The following REL variants were observed in gnomAD, a reference collection of about 807,000 sequenced individuals.
REL encodes REL proto-oncogene, NF-kB subunit, also known as proto-oncogene c-Rel.
REL carries 15 observed loss-of-function variants against 45.9 expected under a neutral mutation model. That is an observed-to-expected ratio of 0.33 (90% confidence interval 0.22 to 0.50). REL has a LOEUF of 0.50. Among genes scored for constraint, REL ranks in the 20% least tolerant of loss-of-function variants. REL has a pLI of 0.98. For synonymous variants in REL, 239 were observed against 242.1 expected (o/e 0.99, Z 0.12); for missense variants, 601 against 715.2 (o/e 0.84, Z 1.82).
Position 60,926,559 on chromosome 2 carries a change from C to G in REL, c.*4024C>G, listed in dbSNP as rs1282898021. The G allele has an allele frequency of 4.3e-6, 1 of 231,442 alleles. No individual in the cohort carries two copies. The highest frequency in any genetic ancestry group is 8.5e-6 in the Non-Finnish European group (1 of 117,010). 14.3% of individuals were successfully genotyped at this position (231,442 alleles called of 1,614,324 possible). A position where few individuals can be genotyped will look rare whatever the true frequency, so the allele number is the denominator to read the frequency against. ...GATTTATTTCCCATGAGTCTTGACC[C>G]CTCCCCTCAGTTGGTGCTATTTCCC... On this transcript the variant is annotated 3_prime_UTR_variant, in exon 10 of 10. Coordinates refer to ENST00000394479, the MANE Select transcript of REL (RefSeq NM_001291746.2).
In REL at chr2:60,924,258, AT is replaced by A. The variant is rs1315699024; in HGVS notation, c.*1726del. On this transcript the variant is annotated 3_prime_UTR_variant, in exon 10 of 10. Coordinates refer to ENST00000394479, the MANE Select transcript of REL (RefSeq NM_001291746.2). Reference sequence around the variant, plus strand: ...ATCTGACTTTACTAAGTATTTATTCATTTACTGTTTGTTTTCCCATACCGAA... The same window carrying A: ...ATCTGACTTTACTAAGTATTTATTCATTACTGTTTGTTTTCCCATACCGAA... 1 of 226,086 alleles carries A rather than the reference AT, an allele frequency of 4.4e-6. No homozygotes were observed. The highest frequency in any genetic ancestry group is 8.8e-6 in the Non-Finnish European group (1 of 113,706). 14.0% of individuals were successfully genotyped at this position (226,086 alleles called of 1,614,324 possible). A position where few individuals can be genotyped will look rare whatever the true frequency, so the allele number is the denominator to read the frequency against.
rs763065273 is a variant in REL at position 60,891,704 on chromosome 2, A to C, written c.32A>C (p.Glu11Ala). 5.0e-6 allele frequency: 8 copies of C among 1,613,760 alleles called. No individual in the cohort carries two copies. In the East Asian group the frequency reaches 1.8e-4, roughly 36 times the overall value. Residue 11 changes from glutamate (E) to alanine (A), a missense_variant, in exon 2 of 10, where the codon GAG becomes GCG. By Grantham distance (107) the Glu-to-Ala change is moderately radical. Coordinates refer to ENST00000394479, the MANE Select transcript of REL (RefSeq NM_001291746.2). ...TCAGGTGCGTATAACCCGTATATAG[A>C]GATAATTGAACAACCCAGGCAGAGG... is the stretch of plus-strand genomic sequence containing the variant. MASGAYNPYIEIIEQPRQRGM... is the reference protein window; with the variant it reads MASGAYNPYIAIIEQPRQRGM...
chr2:60,899,060 G>A (rs574672656), intron 3 of REL: 18 of 152,228 alleles, frequency 1.2e-4, no homozygotes, highest in Admixed American at 1.0e-3. Context: ...TAATATAAAT[G>A]TATTAATATG....
chr2:60,910,161 A>C (rs1673772128), intron 4 of REL, among the ~76,000 whole-genome samples: 1 of 151,722 alleles, frequency 6.6e-6, no homozygotes, highest in African/African-American at 2.4e-5. Context: ...AGGTAGATTA[A>C]ACATTTAACA....
At position 60,920,012 on chromosome 2, in the gene REL, A is replaced by G. The variant is rs372232496; in HGVS notation, c.854-29A>G. ...AGAGGATACAATCCTATAATTTTTT[A>G]TCTGCTTTCCTGGTTTCTTTCTAAT... On this transcript the variant is annotated intron_variant, in intron 7 of 9. Coordinates refer to ENST00000394479, the MANE Select transcript of REL (RefSeq NM_001291746.2). 49 of 1,472,148 alleles carry G rather than the reference A, an allele frequency of 3.3e-5. No homozygotes were observed. In the Middle Eastern group the frequency reaches 5.3e-4, roughly 16 times the overall value. The allele number at this position is 1,472,148 out of a possible 1,614,324, so 91.2% of individuals were successfully genotyped here. A position where few individuals can be genotyped will look rare whatever the true frequency, so the allele number is the denominator to read the frequency against.
chr2:60,908,094 T>G (rs1243753811), intron 4 of REL, among the ~76,000 whole-genome samples: 1 of 152,184 alleles, frequency 6.6e-6, no homozygotes, highest in Admixed American at 6.5e-5. Flanking sequence ...ATCTTCCTAA[T>G]TATACGGTAT....
intron 4 of REL, among the ~76,000 whole-genome samples, chr2:60,904,126 G>C (rs915134276): frequency 6.6e-6 from 1 of 150,816 alleles, no homozygotes; most frequent in Non-Finnish European, 1.5e-5. Flanking sequence ...TGGAAGCATA[G>C]AAAAGTGAAC....
chr2:60,889,121 A>G (rs1268753752), intron 1 of REL, among the ~76,000 whole-genome samples: 1 of 122,814 alleles, frequency 8.1e-6, no homozygotes, highest in Non-Finnish European at 1.7e-5. Flanking sequence ...TTTAAGAGAG[A>G]AAGTGTGTTC....
In REL at chr2:60,922,509, T is replaced by C; in HGVS notation, c.1738T>C (p.Phe580Leu). The change falls in exon 10 of 10, where the codon TTT becomes CTT. Residue 580 changes from phenylalanine to leucine, a missense_variant. Coordinates refer to ENST00000394479, the MANE Select transcript of REL (RefSeq NM_001291746.2). ...GCAAAATGAGCAATTGAGTGACTCC[T>C]TTCCATATGAATTTTTTCAAGTATA... ...SMQNEQLSDS[F>L]PYEFFQV 6.2e-7 allele frequency: 1 copy of C among 1,603,278 alleles called. No homozygotes were observed. Among genetic ancestry groups the C allele is most frequent in the South Asian group, 1.1e-5 (1 of 89,546 alleles).
chr2:60,898,083 T>G (rs985190340), intron 3 of REL, among the ~76,000 whole-genome samples: 2 of 152,154 alleles, frequency 1.3e-5, no homozygotes, highest in Admixed American at 6.6e-5. Context: ...ATCTATCCAC[T>G]TCACTCAGTG....
chr2:60,911,394 G>A (rs531497395), intron 4 of REL: 1 of 152,292 alleles, frequency 6.6e-6, no homozygotes, highest in South Asian at 2.1e-4. Context: ...CTGCTGTCAT[G>A]ACTTGCAGTA....
At position 60,921,639 on chromosome 2, in the gene REL, G is replaced by A. The variant is rs1674142765; in HGVS notation, c.992-124G>A. ...CTTTTTACATTTTTTTATTTGAAATGTTACATTGGTTTCCTTGACATTTTT... is the reference window on the plus strand; with the variant it reads ...CTTTTTACATTTTTTTATTTGAAATATTACATTGGTTTCCTTGACATTTTT... On this transcript the variant is annotated intron_variant, in intron 9 of 9. Coordinates refer to ENST00000394479, the MANE Select transcript of REL (RefSeq NM_001291746.2). 8.5e-6 allele frequency: 7 copies of A among 820,460 alleles called. No individual in the cohort carries two copies. In the South Asian group the frequency reaches 1.4e-4, roughly 16 times the overall value. The allele number at this position is 820,460 out of a possible 1,614,324, so 50.8% of individuals were successfully genotyped here.
rs981820574 is a variant in REL at position 60,889,160 on chromosome 2, C to T, written c.11-2523C>T. 2.0e-5 allele frequency among the ~76,000 whole-genome samples: 3 copies of T among 152,028 alleles called. No homozygotes were observed. In the South Asian group the frequency reaches 6.2e-4, roughly 32 times the overall value. ...TTACATTGGTGATTCTTAAATAAAC[C>T]CTCCTCTGTGGACACACTGTTCCCT... On this transcript the variant is annotated intron_variant, in intron 1 of 9. Coordinates refer to ENST00000394479, the MANE Select transcript of REL (RefSeq NM_001291746.2).
In REL at chr2:60,914,073, T is replaced by C. The variant is rs188678319; in HGVS notation, c.395-2804T>C. On this transcript the variant is annotated intron_variant, in intron 4 of 9. Coordinates refer to ENST00000394479, the MANE Select transcript of REL (RefSeq NM_001291746.2). ...TGACTTCATTTGAAACTTTGTCTAA[T>C]AGGATAGAAGAGGCATACATAAATG... Among the ~76,000 whole-genome samples the C allele has an allele frequency of 4.6e-5, 7 of 152,328 alleles. No homozygotes were observed. In the East Asian group the frequency reaches 1.3e-3, roughly 29 times the overall value.
chr2:60,885,931 T>A (rs1179315005), intron 1 of REL, among the ~76,000 whole-genome samples: 1 of 152,252 alleles, frequency 6.6e-6, no homozygotes, highest in African/African-American at 2.4e-5. Flanking sequence ...ATCTCTATAT[T>A]GTCATTTTTT....
chr2:60,905,032 G>A (rs916423037), intron 4 of REL, among the ~76,000 whole-genome samples: 38 of 152,054 alleles, frequency 2.5e-4, no homozygotes, highest in African/African-American at 8.9e-4. Context: ...ATTGATTTGG[G>A]GAAGGAACAA....
Position 60,926,135 on chromosome 2 carries a change from C to A in REL, c.*3600C>A, listed in dbSNP as rs1674262540. On this transcript the variant is annotated 3_prime_UTR_variant, in exon 10 of 10. Transcript: ENST00000394479. ...TCTGAACTCTACTTGTGCACTGGAT[C>A]CCTCCTCCTTTCTCTGCCAGGCTGT... is the stretch of plus-strand genomic sequence containing the variant. The A allele has an allele frequency of 4.3e-6, 1 of 231,836 alleles. No individual in the cohort carries two copies. The highest frequency in any genetic ancestry group is 5.6e-5 in the Admixed American group (1 of 17,714). The allele number at this position is 231,836 out of a possible 1,614,324, so 14.4% of individuals were successfully genotyped here.
chr2:60,885,397 T>A (rs1333323130), intron 1 of REL, among the ~76,000 whole-genome samples: 2 of 152,220 alleles, frequency 1.3e-5, no homozygotes, highest in African/African-American at 4.8e-5. Flanking sequence ...TTTTAAAATT[T>A]ATTTATTTTA....
At chr2:60,899,809 A>G (rs1350859228) in intron 3 of REL, 1 of 152,346 alleles carries the variant, frequency 6.6e-6, no homozygotes, top group East Asian at 1.9e-4. Flanking sequence ...CACATATGCA[A>G]ATTAGTAGTA....
Sources: gnomAD v4.1 joint callset for allele counts (sites outside exome capture counted in the v4.1 genomes callset) on GRCh38, gnomAD v4.1.1 for gene constraint, MANE v1.5 for transcripts, NCBI Gene and HGNC (gene_info 2026-07-23, HGNC 2026-07-21) for gene names.